Variants in CYTH3 observed in about 807,000 individuals in gnomAD.
The protein encoded by CYTH3 is cytohesin 3.
CYTH3 carries 23 observed loss-of-function variants against 55.1 expected under a neutral mutation model. The observed-to-expected ratio is 0.42, with a 90% CI of 0.30 to 0.59. The LOEUF is 0.59. Among genes scored for constraint, CYTH3 ranks in the 20% least tolerant of loss-of-function variants. CYTH3 has a pLI of 0.20. For missense variants in CYTH3, 413 were observed against 524.8 expected (o/e 0.79, Z 2.08); for synonymous variants, 249 against 194.9 (o/e 1.28, Z -2.31).
intron 1 of CYTH3, among the ~76,000 whole-genome samples, chr7:6,259,528 C>T (rs943183569): frequency 2.7e-5 from 4 of 150,502 alleles, no homozygotes; most frequent in African/African-American, 4.9e-5. Flanking sequence ...GATATTTATC[C>T]GAAATAAATG....
At chr7:6,268,294 C>T (rs56009110) in intron 1 of CYTH3, among the ~76,000 whole-genome samples, 10,490 of 152,076 alleles carry the variant, frequency 0.069, 1,081 homozygotes, top group African/African-American at 0.22. Flanking sequence ...CAGCCTCCCG[C>T]GTAGCTGAGA....
chr7:6,272,167 C>G (rs942205975), intron 1 of CYTH3, among the ~76,000 whole-genome samples: 2 of 152,180 alleles, frequency 1.3e-5, no homozygotes, highest in African/African-American at 4.8e-5. Context: ...GGTCCCCCGC[C>G]CCAGAGGAGC....
At chr7:6,266,449 T>G (rs1780495960) in intron 1 of CYTH3, among the ~76,000 whole-genome samples, 1 of 152,164 alleles carries the variant, frequency 6.6e-6, no homozygotes, top group South Asian at 2.1e-4. Flanking sequence ...GAAATGTAAA[T>G]CAAATGAGAT....
At chr7:6,256,504 G>C (rs1171154322) in intron 1 of CYTH3, among the ~76,000 whole-genome samples, 1 of 152,328 alleles carries the variant, frequency 6.6e-6, no homozygotes, top group Admixed American at 6.5e-5. Flanking sequence ...ACCTTTAGAT[G>C]CAAGACAGTC....
chr7:6,165,206 G>T, intron 12 of CYTH3, 67 bp downstream of exon 12: 1 of 1,572,086 alleles, frequency 6.4e-7, no homozygotes, highest in South Asian at 1.2e-5. Flanking sequence ...CCATGTTCCA[G>T]ACCATCCCCC....
At chr7:6,190,359 T>G (rs1445502444) in intron 2 of CYTH3, 90 bp downstream of exon 2, 5 of 970,414 alleles carry the variant, frequency 5.2e-6, no homozygotes, top group Non-Finnish European at 5.6e-6. Flanking sequence ...TTTTTTTTTT[T>G]TTACATTTTT....
intron 1 of CYTH3, among the ~76,000 whole-genome samples, chr7:6,268,447 G>A (rs1780565486): frequency 6.6e-6 from 1 of 152,176 alleles, no homozygotes; most frequent in Non-Finnish European, 1.5e-5. Flanking sequence ...TAGGATTATA[G>A]GTGAGAGCCG....
At position 6,233,452 on chromosome 7, in the gene CYTH3, C is replaced by T. The variant is rs554746476; in HGVS notation, c.34+39022G>A. Among the ~76,000 whole-genome samples the T allele has an allele frequency of 5.3e-5, 8 of 152,076 alleles. No homozygotes were observed. In the South Asian group the frequency reaches 1.0e-3, roughly 20 times the overall value. On this transcript the variant is annotated intron_variant, in intron 1 of 12. Coordinates refer to ENST00000350796, the MANE Select transcript of CYTH3 (RefSeq NM_004227.4). ...AGGGCAGATCACGAGGTGAGGAGATCGAGACCATCCTGGCTAACACAATGA... is the reference window on the plus strand; with the variant it reads ...AGGGCAGATCACGAGGTGAGGAGATTGAGACCATCCTGGCTAACACAATGA...
At chr7:6,260,801 C>G (rs566055349) in intron 1 of CYTH3, among the ~76,000 whole-genome samples, 12 of 152,244 alleles carry the variant, frequency 7.9e-5, no homozygotes, top group Admixed American at 7.9e-4. Flanking sequence ...AACTCTCTTT[C>G]CTATGTGAGC....
rs913238329 is a variant in CYTH3 at position 6,179,184 on chromosome 7, A to G, written c.250-1243T>C. Among the ~76,000 whole-genome samples, 4 of 152,324 alleles carry G rather than the reference A, an allele frequency of 2.6e-5. No individual in the cohort carries two copies. The East Asian group carries it at 7.7e-4, about 29-fold the overall frequency. On this transcript the variant is annotated intron_variant, in intron 4 of 12. Coordinates refer to ENST00000350796, the MANE Select transcript of CYTH3 (RefSeq NM_004227.4). Reference sequence around the variant, plus strand: ...ACATTCTGGCATAATCACATGATGGAAGACTCTACAGCCATGAAATGGAAT... The same window carrying G: ...ACATTCTGGCATAATCACATGATGGGAGACTCTACAGCCATGAAATGGAAT...
chr7:6,252,991 G>T (rs1052573533), intron 1 of CYTH3, among the ~76,000 whole-genome samples: 2 of 152,108 alleles, frequency 1.3e-5, no homozygotes, highest in African/African-American at 4.8e-5. Context: ...GAACCACTCC[G>T]TAACTCCTTC....
In CYTH3 at chr7:6,177,998, A is replaced by G. The variant is rs1194988316; in HGVS notation, c.250-57T>C. ...GGAGTGTCACTCAAACTCATTTTTC[A>G]AAGACAGAAATACACTTAGTGTCAG... On this transcript the variant is annotated intron_variant, in intron 4 of 12. Coordinates refer to ENST00000350796, the MANE Select transcript of CYTH3 (RefSeq NM_004227.4). The G allele has an allele frequency of 9.0e-6, 12 of 1,337,702 alleles. No homozygotes were observed. In the East Asian group the frequency reaches 2.8e-4, roughly 31 times the overall value. The allele number at this position is 1,337,702 out of a possible 1,614,324, so 82.9% of individuals were successfully genotyped here.
chr7:6,216,481 G>C (rs767759937), intron 1 of CYTH3, among the ~76,000 whole-genome samples: 5 of 152,074 alleles, frequency 3.3e-5, no homozygotes, highest in Non-Finnish European at 7.4e-5. Context: ...GCTCATACCT[G>C]TAATGCTAGC....
At chr7:6,208,135 C>G (rs1053860807) in intron 1 of CYTH3, among the ~76,000 whole-genome samples, 1 of 152,206 alleles carries the variant, frequency 6.6e-6, no homozygotes, top group Non-Finnish European at 1.5e-5. Flanking sequence ...ACATCTATCA[C>G]TGGATAAGGT....
intron 1 of CYTH3, among the ~76,000 whole-genome samples, chr7:6,236,364 CTT>C (rs34013002): frequency 3.9e-3 from 473 of 122,292 alleles, no homozygotes; most frequent in Non-Finnish European, 3.5e-3. Flanking sequence ...CTACGCCTGA[CTT>C]TTTTTTTTTT....
At chr7:6,234,517 T>C (rs1349651126) in intron 1 of CYTH3, among the ~76,000 whole-genome samples, 3 of 152,094 alleles carry the variant, frequency 2.0e-5, no homozygotes, top group East Asian at 1.9e-4. Flanking sequence ...AAAAGCCCCA[T>C]AGAGGAAGTC....
At chr7:6,229,821 GAA>G (rs1255742660) in intron 1 of CYTH3, among the ~76,000 whole-genome samples, 3 of 96,698 alleles carry the variant, frequency 3.1e-5, no homozygotes, top group Admixed American at 1.1e-4. Context: ...TGTCTCAAAA[GAA>G]AAAAAAAAAA....
chr7:6,259,986 A>G (rs1409926691), intron 1 of CYTH3, among the ~76,000 whole-genome samples: 1 of 147,868 alleles, frequency 6.8e-6, no homozygotes, highest in African/African-American at 2.5e-5. Flanking sequence ...ATGCACCACC[A>G]CACCAGGCTA....
intron 1 of CYTH3, among the ~76,000 whole-genome samples, chr7:6,260,118 C>T (rs143490511): frequency 0.011 from 1,610 of 151,448 alleles, 24 homozygotes; most frequent in Non-Finnish European, 0.016. Flanking sequence ...CGTGTGCCAC[C>T]GCGCCCAGCC....
Sources: allele counts gnomAD v4.1 joint callset (sites outside exome capture counted in the v4.1 genomes callset), GRCh38; gene constraint gnomAD v4.1.1; transcripts MANE v1.5; gene names NCBI Gene and HGNC (gene_info 2026-07-23, HGNC 2026-07-21).